Variants in RNF216 observed in about 807,000 individuals in gnomAD.
The protein encoded by RNF216 is E3 ubiquitin-protein ligase RNF216.
RNF216 carries 72 observed loss-of-function variants against 110.8 expected under a neutral mutation model. That is an observed-to-expected ratio of 0.65 (90% CI 0.54 to 0.79). RNF216 has a LOEUF of 0.79. Ranked by LOEUF, RNF216 falls within the 30% of genes least tolerant of loss-of-function variation. The pLI, the probability that RNF216 is intolerant of heterozygous loss-of-function variation, is 0.00. For synonymous variants in RNF216, 495 were observed against 407.5 expected, an observed-to-expected ratio of 1.21 and a Z score of -2.59; for missense variants, 1,342 against 1,141.2, an observed-to-expected ratio of 1.18 and a Z score of -2.54.
chr7:5,660,943 G>GTTTTTTTTT lies in RNF216; in HGVS notation c.2062-8442_2062-8434dup, dbSNP rs1168463360. Among the ~76,000 whole-genome samples, 11 of 90,162 alleles carry GTTTTTTTTT rather than the reference G, an allele frequency of 1.2e-4. 1 individual carries two copies. The highest frequency in any genetic ancestry group is 3.3e-4 in the African/African-American group (6 of 18,242). 59.1% of individuals were successfully genotyped at this position (90,162 alleles called of 152,430 possible). A position where few individuals can be genotyped will look rare whatever the true frequency, so the allele number is the denominator to read the frequency against. On this transcript the variant is annotated intron_variant, in intron 13 of 16. Coordinates refer to ENST00000389902, the MANE Select transcript of RNF216 (RefSeq NM_207111.4). ...TAGCTCCATGCTCCTGAAGCCTTAG[G>GTTTTTTTTT]TTTTTTTTTTTTTTTTTTTTTTTTT...
chr7:5,644,531 A>AG lies in RNF216; in HGVS notation c.2160-3156dup, dbSNP rs1208738904. 1.7e-4 allele frequency among the ~76,000 whole-genome samples: 26 copies of AG among 151,338 alleles called. No individual in the cohort carries two copies. The East Asian group carries it at 4.6e-3, about 27-fold the overall frequency. ...TGCCCATTTTTTTTTTTTGAGACAG[A>AG]GTCTCACTCTGTCATCCAGGCTGGA... On this transcript the variant is annotated intron_variant, in intron 14 of 16. Transcript: ENST00000389902.
chr7:5,647,169 T>C (rs2128572375), intron 14 of RNF216, among the ~76,000 whole-genome samples: 1 of 151,988 alleles, frequency 6.6e-6, no homozygotes, highest in South Asian at 2.1e-4. Flanking sequence ...CCAGGTTAAT[T>C]CTTGCTCTGG....
rs529356108 is a variant in RNF216 at position 5,722,444 on chromosome 7, C to G, written c.1505-1272G>C. ...TCACTCTGTTGCCCAGGCAAGGGTG[C>G]AGTGGTGCGATCTCGGCTCACTGTC... On this transcript the variant is annotated intron_variant, in intron 8 of 16. Transcript: ENST00000389902. Among the ~76,000 whole-genome samples the G allele has an allele frequency of 4.7e-5, 7 of 150,354 alleles. No homozygotes were observed. In the South Asian group the frequency reaches 1.5e-3, roughly 32 times the overall value.
chr7:5,741,722 A>G lies in RNF216; in HGVS notation c.295T>C (p.Ser99Pro). 1 of 1,614,174 alleles carries G rather than the reference A, an allele frequency of 6.2e-7. No individual in the cohort carries two copies. Among genetic ancestry groups the G allele is most frequent in the Non-Finnish European group, 8.5e-7 (1 of 1,180,034 alleles). The change falls in exon 4 of 17, where the codon TCT (serine) becomes CCT (proline). Residue 99 changes from serine (S) to proline (P), a missense_variant. Physicochemically the swap from Ser to Pro is moderately conservative, Grantham distance 74 (BLOSUM62 -1). Transcript: ENST00000389902. ...TTATCTGATTCAAATGCTGCTCTAG[A>G]CTTTTTAGGCCTTTCTTCTCCCAAC... ...KRLGEERPKKSRAAFESDKSS... is the reference protein window; with the variant it reads ...KRLGEERPKKPRAAFESDKSS...
chr7:5,627,119 G>A (rs1786757869), intron 15 of RNF216, among the ~76,000 whole-genome samples: 1 of 152,152 alleles, frequency 6.6e-6, no homozygotes, highest in African/African-American at 2.4e-5. Flanking sequence ...GGTACCTCAG[G>A]AATCATTCAT....
At position 5,741,101 on chromosome 7, in the gene RNF216, T is replaced by G; in HGVS notation, c.916A>C (p.Ser306Arg). 1 of 1,614,154 alleles carries G rather than the reference T, an allele frequency of 6.2e-7. No individual in the cohort carries two copies. Among genetic ancestry groups the G allele is most frequent in the Non-Finnish European group, 8.5e-7 (1 of 1,180,030 alleles). Residue 306 changes from serine to arginine, a missense_variant, in exon 4 of 17, where the codon AGT becomes CGT. By Grantham distance (110) the Ser-to-Arg change is moderately radical. Coordinates refer to ENST00000389902, the MANE Select transcript of RNF216 (RefSeq NM_207111.4). ...GCTGGACCTGGCTCTTCATCATCAC[T>G]TGCTAACTGCTGGTCTTCAAACTCT... is the stretch of plus-strand genomic sequence containing the variant. Reference protein sequence around the residue: ...LGEFEDQQLASDDEEPGPAFP... With the variant: ...LGEFEDQQLARDDEEPGPAFP...
chr7:5,642,554 T>G (rs1431142907), intron 14 of RNF216, among the ~76,000 whole-genome samples: 1 of 150,170 alleles, frequency 6.7e-6, no homozygotes, highest in African/African-American at 2.5e-5. Flanking sequence ...ATTTCCTGGG[T>G]TCAAACGGTT....
intron 13 of RNF216, among the ~76,000 whole-genome samples, chr7:5,659,062 G>C (rs1182586903): frequency 1.3e-5 from 2 of 152,138 alleles, no homozygotes; most frequent in Non-Finnish European, 2.9e-5. Context: ...AAGACTTCTA[G>C]GCTTCTGATG....
chr7:5,641,103 AT>A (rs1186236427), intron 15 of RNF216, 50 bp downstream of exon 15: 2 of 1,371,898 alleles, frequency 1.5e-6, no homozygotes, highest in Admixed American at 2.0e-5. Context: ...TCATAAAAAT[AT>A]ATTTCTATTT....
intron 5 of RNF216, among the ~76,000 whole-genome samples, chr7:5,734,241 A>C (rs1794260298): frequency 6.6e-6 from 1 of 152,140 alleles, no homozygotes; most frequent in South Asian, 2.1e-4. Context: ...TTTCATTGCT[A>C]AGTGGTATAA....
At chr7:5,636,383 A>G (rs966772588) in intron 15 of RNF216, among the ~76,000 whole-genome samples, 2 of 152,212 alleles carry the variant, frequency 1.3e-5, no homozygotes, top group African/African-American at 4.8e-5. Context: ...AGAGAAAGAA[A>G]GTTACTGTTC....
At position 5,761,000 on chromosome 7, in the gene RNF216, T is replaced by A. The variant is rs1455347724; in HGVS notation, c.67+3A>T. On this transcript the variant is annotated splice_donor_region_variant and intron_variant, in intron 2 of 16. Coordinates refer to ENST00000389902, the MANE Select transcript of RNF216 (RefSeq NM_207111.4). Reference sequence around the variant, plus strand: ...AGGGATGAAGTGAGAACAAACAACTTACCTTGTCCCCGATGGCAGTGAAAG... The same window carrying A: ...AGGGATGAAGTGAGAACAAACAACTAACCTTGTCCCCGATGGCAGTGAAAG... 2.8e-5 allele frequency: 44 copies of A among 1,569,676 alleles called. No homozygotes were observed. The highest frequency in any genetic ancestry group is 3.8e-5 in the Non-Finnish European group (44 of 1,156,968).
chr7:5,767,980 G>C (rs1360117546), intron 1 of RNF216, among the ~76,000 whole-genome samples: 2 of 152,114 alleles, frequency 1.3e-5, no homozygotes, highest in African/African-American at 4.8e-5. Flanking sequence ...GATCCTAGGA[G>C]AGCCAAATCT....
chr7:5,694,530 C>T (rs188152813), intron 13 of RNF216, among the ~76,000 whole-genome samples: 2 of 152,348 alleles, frequency 1.3e-5, no homozygotes, highest in Admixed American at 1.3e-4. Flanking sequence ...GTTCCAACAT[C>T]TGCTATGAGA....
At chr7:5,671,561 T>C (rs1003602589) in intron 13 of RNF216, among the ~76,000 whole-genome samples, 1 of 151,836 alleles carries the variant, frequency 6.6e-6, no homozygotes, top group African/African-American at 2.4e-5. Context: ...TCCCAGTACT[T>C]TGGGAGGCCA....
intron 3 of RNF216, among the ~76,000 whole-genome samples, chr7:5,745,632 G>T (rs541985023): frequency 2.4e-4 from 37 of 152,174 alleles, no homozygotes; most frequent in Non-Finnish European, 4.7e-4. Flanking sequence ...GGGCACGGTG[G>T]CTCACGCCTG....
chr7:5,776,929 AAAGAG>A (rs1466749563), intron 1 of RNF216, among the ~76,000 whole-genome samples: 1 of 137,808 alleles, frequency 7.3e-6, no homozygotes, highest in Non-Finnish European at 1.6e-5. Context: ...AGAGAGAGAA[AAAGAG>A]AGAGAGAGAG....
intron 2 of RNF216, among the ~76,000 whole-genome samples, 198 bp from the exon 3 acceptor site, chr7:5,753,177 C>G (rs1316122169): frequency 6.6e-6 from 1 of 152,202 alleles, no homozygotes; most frequent in Non-Finnish European, 1.5e-5. Flanking sequence ...ATTTTGGGAA[C>G]TGCTAGAGAA....
chr7:5,762,813 T>A (rs1342188574), intron 1 of RNF216, among the ~76,000 whole-genome samples: 1 of 152,194 alleles, frequency 6.6e-6, no homozygotes, highest in Non-Finnish European at 1.5e-5. Context: ...TGAACTTGAG[T>A]TACATATAAC....
Sources: gnomAD v4.1 joint callset for allele counts (sites outside exome capture counted in the v4.1 genomes callset) on GRCh38, gnomAD v4.1.1 for gene constraint, MANE v1.5 for transcripts, NCBI Gene and HGNC (gene_info 2026-07-23, HGNC 2026-07-21) for gene names.